Variants in PDE4D observed in about 807,000 individuals in gnomAD.
The protein encoded by PDE4D is phosphodiesterase 4D.
A neutral mutation model predicts 87.4 loss-of-function variants in PDE4D; 24 were observed. The observed-to-expected ratio is 0.27, with a 90% CI of 0.20 to 0.39. The LOEUF (loss-of-function observed/expected upper bound fraction) is 0.39, where lower values mean the gene tolerates loss of function less well. Ranked by LOEUF, PDE4D falls within the 10% of genes least tolerant of loss-of-function variation. PDE4D has a pLI of 1.00. For synonymous variants in PDE4D, 384 were observed against 383.2 expected (o/e 1.00, Z -0.02); for missense variants, 714 against 1,041.0 (o/e 0.69, Z 4.32).
In PDE4D at chr5:60,335,579, G is replaced by A. The variant is rs138571668; in HGVS notation, c.-89-149892C>T. The stretch of plus-strand genomic sequence containing the variant: ...TTTAGTAAATGCTCTAAGAAAGGGT[G>A]GTTGGGCCTAGCTCCAGGGTGTTGG... On this transcript the variant is annotated intron_variant, in intron 1 of 16. Transcript: ENST00000502484. 5.3e-5 allele frequency among the ~76,000 whole-genome samples: 8 copies of A among 152,288 alleles called. No homozygotes were observed. In the East Asian group the frequency reaches 1.5e-3, roughly 29 times the overall value.
intron 2 of PDE4D, among the ~76,000 whole-genome samples, chr5:60,087,961 T>C (rs1456520832): frequency 6.6e-6 from 1 of 151,954 alleles, no homozygotes; most frequent in East Asian, 1.9e-4. Context: ...ATAATGAAAT[T>C]AGTAAAAATC....
intron 1 of PDE4D, among the ~76,000 whole-genome samples, chr5:60,518,159 A>C (rs1750886830): frequency 6.6e-6 from 1 of 152,232 alleles, no homozygotes; most frequent in Non-Finnish European, 1.5e-5. Flanking sequence ...TTCAGCTGGC[A>C]TGACTGGCTG....
intron 1 of PDE4D, among the ~76,000 whole-genome samples, chr5:59,582,423 G>GAGGCTAGAT (rs1249065171): frequency 1.3e-5 from 2 of 152,148 alleles, no homozygotes; most frequent in Non-Finnish European, 2.9e-5. Context: ...GAAACTCTAT[G>GAGGCTAGAT]AGGCTAGATA....
At chr5:60,227,544 G>C (rs757116568) in intron 1 of PDE4D, among the ~76,000 whole-genome samples, 1 of 141,550 alleles carries the variant, frequency 7.1e-6, no homozygotes, top group Non-Finnish European at 1.5e-5. Flanking sequence ...GGGAGGAGGA[G>C]AGGAAGGGTA....
intron 1 of PDE4D, among the ~76,000 whole-genome samples, chr5:60,454,883 T>G (rs1697544959): frequency 6.6e-6 from 1 of 151,160 alleles, no homozygotes; most frequent in African/African-American, 2.4e-5. Flanking sequence ...GGCACATACA[T>G]GAGCGGGGAG....
chr5:59,766,874 C>G (rs1313215780), intron 1 of PDE4D, among the ~76,000 whole-genome samples: 2 of 152,188 alleles, frequency 1.3e-5, no homozygotes, highest in African/African-American at 4.8e-5. Flanking sequence ...CAATGTTTGT[C>G]TCACTCCTCT....
chr5:59,567,836 G>C (rs181375170), intron 1 of PDE4D, among the ~76,000 whole-genome samples: 40 of 152,240 alleles, frequency 2.6e-4, no homozygotes, highest in Non-Finnish European at 1.2e-4. Flanking sequence ...TAATGAGTTA[G>C]ATTTGAAAAT....
intron 1 of PDE4D, among the ~76,000 whole-genome samples, chr5:59,877,615 C>T (rs1489601680): frequency 6.6e-6 from 1 of 151,668 alleles, no homozygotes; most frequent in Non-Finnish European, 1.5e-5. Flanking sequence ...GCAGCCTGGG[C>T]AACACGTGAA....
chr5:59,616,991 C>T (rs750895260), intron 1 of PDE4D, among the ~76,000 whole-genome samples: 48 of 133,650 alleles, frequency 3.6e-4, no homozygotes, highest in Non-Finnish European at 6.1e-4. Context: ...CATAAGATTT[C>T]GTACTTTTTG....
intron 1 of PDE4D, among the ~76,000 whole-genome samples, chr5:59,873,553 T>C (rs1324315353): frequency 6.6e-6 from 1 of 152,212 alleles, no homozygotes; most frequent in African/African-American, 2.4e-5. Flanking sequence ...GGCTGAACCA[T>C]GTGAAATTAG....
chr5:60,127,359 T>C (rs747030542), intron 2 of PDE4D, among the ~76,000 whole-genome samples: 2 of 152,040 alleles, frequency 1.3e-5, no homozygotes, highest in Non-Finnish European at 2.9e-5. Flanking sequence ...AGTGATAAGG[T>C]TGGACTTCTG....
rs185667845 is a variant in PDE4D, at chr5:59,547,345, T to A, written c.456-331377A>T. ...ATATACATAATTCAAATACCAATAG[T>A]TGGAACAGAAATTTTTAGGATTTCT... On this transcript the variant is annotated intron_variant, in intron 1 of 14. Transcript: ENST00000340635. 5.9e-5 allele frequency among the ~76,000 whole-genome samples: 9 copies of A among 152,256 alleles called. No homozygotes were observed. In the East Asian group the frequency reaches 1.7e-3, roughly 29 times the overall value.
At chr5:60,023,732 AC>A (rs1766324662) in intron 2 of PDE4D, among the ~76,000 whole-genome samples, 1 of 152,174 alleles carries the variant, frequency 6.6e-6, no homozygotes, top group African/African-American at 2.4e-5. Flanking sequence ...AATAATTCAT[AC>A]TATTCCAGGT....
intron 5 of PDE4D, chr5:59,039,289 T>C (rs536373593): frequency 1.3e-5 from 14 of 1,083,522 alleles, no homozygotes; most frequent in Admixed American, 5.5e-5. Flanking sequence ...ACTTTTCAAC[T>C]GTGCGGCGGG....
chr5:59,882,841 G>A (rs1018788793), intron 1 of PDE4D, among the ~76,000 whole-genome samples: 6 of 150,886 alleles, frequency 4.0e-5, no homozygotes, highest in Non-Finnish European at 5.9e-5. Context: ...TCAGTGGCGC[G>A]ATCTTGGCTC....
intron 2 of PDE4D, among the ~76,000 whole-genome samples, chr5:60,091,818 C>T (rs1221219400): frequency 4.0e-5 from 6 of 151,634 alleles, no homozygotes; most frequent in Non-Finnish European, 7.4e-5. Flanking sequence ...TTTGGGAGGC[C>T]GAGACAGGCG....
chr5:59,059,008 T>C (rs149325914), intron 5 of PDE4D, among the ~76,000 whole-genome samples: 58 of 152,290 alleles, frequency 3.8e-4, no homozygotes, highest in African/African-American at 1.4e-3. Flanking sequence ...TGATTTGGAA[T>C]AAATGGACAG....
intron 1 of PDE4D, among the ~76,000 whole-genome samples, chr5:60,465,611 G>A (rs1747291016): frequency 6.6e-6 from 1 of 152,000 alleles, no homozygotes; most frequent in South Asian, 2.1e-4. Context: ...ACTTACCAAT[G>A]GAAGCTATCA....
intron 1 of PDE4D, among the ~76,000 whole-genome samples, chr5:60,325,887 C>T (rs1322389675): frequency 1.3e-5 from 2 of 152,050 alleles, no homozygotes; most frequent in African/African-American, 4.8e-5. Context: ...TTTGTCATTT[C>T]AACAATGTTA....
Sources: gnomAD v4.1 joint callset for allele counts (sites outside exome capture counted in the v4.1 genomes callset) on GRCh38, gnomAD v4.1.1 for gene constraint, MANE v1.5 for transcripts, NCBI Gene and HGNC (gene_info 2026-07-23, HGNC 2026-07-21) for gene names.